ALK: variants seen among roughly 807,000 people sequenced by gnomAD.
ALK encodes ALK tyrosine kinase receptor.
ALK carries 74 observed loss-of-function variants against 163.1 expected under a neutral mutation model. The ratio of observed to expected loss-of-function variants is 0.45; its 90% CI spans 0.38 to 0.55. The LOEUF (loss-of-function observed/expected upper bound fraction) is 0.55, where lower values mean the gene tolerates loss of function less well. Among genes scored for constraint, ALK ranks in the 20% least tolerant of loss-of-function variants. ALK has a pLI of 0.00. For synonymous variants in ALK, 960 were observed against 843.2 expected, an observed-to-expected ratio of 1.14 and a Z score of -2.40; for missense variants, 2,063 against 2,105.3, an observed-to-expected ratio of 0.98 and a Z score of 0.39.
chr2:29,620,980 G>C (rs1044987305), intron 3 of ALK, among the ~76,000 whole-genome samples: 5 of 152,122 alleles, frequency 3.3e-5, no homozygotes, highest in Non-Finnish European at 7.3e-5. Flanking sequence ...CTGCCTCCAG[G>C]GAGAGTTGAA....
intron 3 of ALK, among the ~76,000 whole-genome samples, chr2:29,687,938 C>G (rs1678285129): frequency 6.6e-6 from 1 of 152,104 alleles, no homozygotes; most frequent in Admixed American, 6.5e-5. Flanking sequence ...TAAACAGCAC[C>G]AAGATAGTTT....
chr2:29,792,420 T>G (rs1166532847), intron 1 of ALK, among the ~76,000 whole-genome samples: 4 of 152,152 alleles, frequency 2.6e-5, no homozygotes, highest in African/African-American at 9.7e-5. Flanking sequence ...AGTTAAGTTT[T>G]GGGGAAAAAC....
intron 11 of ALK, among the ~76,000 whole-genome samples, chr2:29,264,329 C>T (rs756595199): frequency 6.6e-6 from 1 of 152,236 alleles, no homozygotes; most frequent in Non-Finnish European, 1.5e-5. Context: ...TAGCATTTTC[C>T]TGATTCTGCT....
In ALK at chr2:29,523,872, T is replaced by C. The variant is rs908951633; in HGVS notation, c.1154+8043A>G. On this transcript the variant is annotated intron_variant, in intron 4 of 28. Coordinates refer to ENST00000389048, the MANE Select transcript of ALK (RefSeq NM_004304.5). ...AGAAGCTGAAGGTTTTTTTTTTTTT[T>C]TTTTTTTTTTTTTTTTTTTATGCCC... Among the ~76,000 whole-genome samples, 12 of 144,654 alleles carry C rather than the reference T, an allele frequency of 8.3e-5. 1 individual carries two copies. Among genetic ancestry groups the C allele is most frequent in the African/African-American group, 1.0e-4 (4 of 38,880 alleles). The allele number at this position is 144,654 out of a possible 152,430, so 94.9% of individuals were successfully genotyped here.
intron 4 of ALK, among the ~76,000 whole-genome samples, chr2:29,392,774 G>T (rs1271488913): frequency 1.3e-5 from 2 of 152,168 alleles, no homozygotes; most frequent in Non-Finnish European, 2.9e-5. Context: ...GTTCTTAACT[G>T]GACTTCGTGT....
chr2:29,510,699 A>C (rs1159721058), intron 4 of ALK, among the ~76,000 whole-genome samples: 1 of 152,248 alleles, frequency 6.6e-6, no homozygotes, highest in Non-Finnish European at 1.5e-5. Context: ...ATGTTTATAG[A>C]CTGAGGAAAC....
chr2:29,351,656 G>A (rs1200479029), intron 5 of ALK, among the ~76,000 whole-genome samples: 2 of 152,316 alleles, frequency 1.3e-5, no homozygotes, highest in Non-Finnish European at 2.9e-5. Context: ...CAAACACATG[G>A]AAAGACTTGC....
intron 2 of ALK, among the ~76,000 whole-genome samples, chr2:29,698,376 G>C (rs1048339849): frequency 6.6e-6 from 1 of 152,176 alleles, no homozygotes; most frequent in Non-Finnish European, 1.5e-5. Context: ...CTCCTCTAGG[G>C]AGGGTCAAAA....
chr2:29,775,309 GA>G (rs1681141490), intron 1 of ALK, among the ~76,000 whole-genome samples: 1 of 152,144 alleles, frequency 6.6e-6, no homozygotes, highest in African/African-American at 2.4e-5. Flanking sequence ...GAAAGTCAGA[GA>G]AATGTTTCAC....
chr2:29,363,048 C>T (rs551709702), intron 5 of ALK, among the ~76,000 whole-genome samples: 1 of 152,214 alleles, frequency 6.6e-6, no homozygotes, highest in Non-Finnish European at 1.5e-5. Flanking sequence ...ACTTGCCTGG[C>T]TGCTTTTCCC....
chr2:29,585,420 G>A (rs1674853921), intron 3 of ALK, among the ~76,000 whole-genome samples: 2 of 152,084 alleles, frequency 1.3e-5, no homozygotes, highest in East Asian at 1.9e-4. Context: ...TCCACCTCCT[G>A]GGTTCAAGTG....
intron 2 of ALK, among the ~76,000 whole-genome samples, chr2:29,702,558 G>A (rs568253375): frequency 6.6e-6 from 1 of 152,278 alleles, no homozygotes; most frequent in African/African-American, 2.4e-5. Context: ...TAAAGCCCAG[G>A]GCTTAAAGTT....
chr2:29,374,789 A>G (rs1322437535), intron 5 of ALK, among the ~76,000 whole-genome samples: 2 of 152,148 alleles, frequency 1.3e-5, no homozygotes, highest in Non-Finnish European at 2.9e-5. Flanking sequence ...AGTCCACGGT[A>G]AGTTAAGGGC....
rs573738194 is a variant in ALK at position 29,781,641 on chromosome 2, T to G, written c.668-63944A>C. Among the ~76,000 whole-genome samples the G allele has an allele frequency of 2.6e-5, 4 of 151,986 alleles. No homozygotes were observed. In the South Asian group the frequency reaches 8.3e-4, roughly 32 times the overall value. Reference sequence around the variant, plus strand: ...TGATGGGTGATGAACGGTACTGAGGTTTTTCTCATCTCCTAAACCTGTGTC... The same window carrying G: ...TGATGGGTGATGAACGGTACTGAGGGTTTTCTCATCTCCTAAACCTGTGTC... On this transcript the variant is annotated intron_variant, in intron 1 of 28. Coordinates refer to ENST00000389048, the MANE Select transcript of ALK (RefSeq NM_004304.5).
intron 4 of ALK, among the ~76,000 whole-genome samples, chr2:29,479,194 G>T (rs967029847): frequency 1.5e-5 from 2 of 135,700 alleles, no homozygotes. Flanking sequence ...TCCCCGAAAT[G>T]ATGGCTCACC....
chr2:29,578,164 G>C (rs911059563), intron 3 of ALK, among the ~76,000 whole-genome samples: 18 of 152,102 alleles, frequency 1.2e-4, no homozygotes, highest in Admixed American at 1.1e-3. Flanking sequence ...TAAGTCTCAC[G>C]AGATCTGATG....
At chr2:29,480,493 G>A (rs902879910) in intron 4 of ALK, among the ~76,000 whole-genome samples, 1 of 152,112 alleles carries the variant, frequency 6.6e-6, no homozygotes, top group African/African-American at 2.4e-5. Context: ...AGAGTTTGCT[G>A]AGTTAAATGG....
intron 3 of ALK, among the ~76,000 whole-genome samples, chr2:29,689,641 AG>A (rs1192368898): frequency 6.6e-6 from 1 of 152,204 alleles, no homozygotes; most frequent in East Asian, 1.9e-4. Context: ...ACCAAGGCAT[AG>A]TGGGCTAAAG....
At chr2:29,238,277 A>G (rs1300551573) in intron 13 of ALK, among the ~76,000 whole-genome samples, 1 of 152,036 alleles carries the variant, frequency 6.6e-6, no homozygotes, top group Non-Finnish European at 1.5e-5. Context: ...GCTCACTGCA[A>G]CCTCTGCCTC....
Sources: gnomAD v4.1 joint callset for allele counts (sites outside exome capture counted in the v4.1 genomes callset) on GRCh38, gnomAD v4.1.1 for gene constraint, MANE v1.5 for transcripts, NCBI Gene and HGNC (gene_info 2026-07-23, HGNC 2026-07-21) for gene names.